Variants in LRRC4C observed in about 807,000 individuals in gnomAD.
LRRC4C encodes leucine-rich repeat-containing protein 4C.
LRRC4C carries 5 observed loss-of-function variants against 33.6 expected under a neutral mutation model. The observed-to-expected ratio is 0.15, with a 90% CI of 0.08 to 0.31. The LOEUF is 0.31. Ranked by LOEUF, LRRC4C falls within the 10% of genes least tolerant of loss-of-function variation. The probability of loss-of-function intolerance (pLI) is 1.00; values close to 1 mark genes in which losing one functional copy is unlikely to be tolerated. For synonymous variants in LRRC4C, 329 were observed against 302.0 expected, an observed-to-expected ratio of 1.09 and a Z score of -0.93; for missense variants, 560 against 796.7, an observed-to-expected ratio of 0.70 and a Z score of 3.58.
chr11:40,572,191 G>T (rs917414648), intron 3 of LRRC4C, among the ~76,000 whole-genome samples: 16 of 152,130 alleles, frequency 1.1e-4, no homozygotes, highest in African/African-American at 3.9e-4. Flanking sequence ...TGTAAAAATG[G>T]AATACACTAT....
At chr11:40,241,263 T>C (rs1865907787) in intron 5 of LRRC4C, among the ~76,000 whole-genome samples, 1 of 152,022 alleles carries the variant, frequency 6.6e-6, no homozygotes, top group African/African-American at 2.4e-5. Context: ...ACACCCGTGG[T>C]GCTAGCTACT....
intron 3 of LRRC4C, among the ~76,000 whole-genome samples, chr11:40,624,267 A>G (rs536184016): frequency 6.6e-6 from 1 of 152,256 alleles, no homozygotes; most frequent in Non-Finnish European, 1.5e-5. Context: ...GATGCAGAAA[A>G]TTATAAAACT....
At chr11:40,771,158 A>G (rs1480412987) in intron 2 of LRRC4C, among the ~76,000 whole-genome samples, 1 of 152,158 alleles carries the variant, frequency 6.6e-6, no homozygotes, top group Admixed American at 6.5e-5. Flanking sequence ...ACATCCAGGC[A>G]TTTCTATACA....
chr11:40,832,972 G>C (rs1952487591), intron 2 of LRRC4C, among the ~76,000 whole-genome samples: 1 of 152,122 alleles, frequency 6.6e-6, no homozygotes, highest in South Asian at 2.1e-4. Context: ...GGTTTCACAA[G>C]ACCATGGCAT....
At chr11:40,119,407 T>G (rs1855665647) in intron 6 of LRRC4C, among the ~76,000 whole-genome samples, 1 of 152,160 alleles carries the variant, frequency 6.6e-6, no homozygotes, top group African/African-American at 2.4e-5. Context: ...ATTCCTTCCT[T>G]GGAGCTGTTG....
chr11:40,389,526 A>G (rs922384991), intron 3 of LRRC4C, among the ~76,000 whole-genome samples: 2 of 152,050 alleles, frequency 1.3e-5, no homozygotes, highest in African/African-American at 2.4e-5. Flanking sequence ...CTCATTTTAA[A>G]TATCTAGAAA....
At chr11:40,576,624 A>G (rs2135597311) in intron 3 of LRRC4C, among the ~76,000 whole-genome samples, 1 of 152,284 alleles carries the variant, frequency 6.6e-6, no homozygotes, top group Middle Eastern at 3.4e-3. Flanking sequence ...ACATCTGTCT[A>G]TTTATAACAA....
At chr11:40,911,057 A>G in intron 2 of LRRC4C, among the ~76,000 whole-genome samples, 1 of 152,176 alleles carries the variant, frequency 6.6e-6, no homozygotes, top group Admixed American at 6.5e-5. Context: ...GGAAGCTCGA[A>G]CTGGGTGGAG....
intron 3 of LRRC4C, among the ~76,000 whole-genome samples, chr11:40,626,155 A>C (rs1473463625): frequency 6.6e-6 from 1 of 152,152 alleles, no homozygotes. Context: ...TTGTGCTTCA[A>C]ACACAGTAGT....
chr11:41,170,428 C>A (rs1424472100), intron 1 of LRRC4C, among the ~76,000 whole-genome samples: 2 of 152,092 alleles, frequency 1.3e-5, no homozygotes, highest in African/African-American at 4.8e-5. Flanking sequence ...TGGAACAGAA[C>A]AGAGCCCTCA....
intron 5 of LRRC4C, among the ~76,000 whole-genome samples, chr11:40,173,281 C>T (rs979181325): frequency 6.6e-6 from 1 of 152,202 alleles, no homozygotes; most frequent in African/African-American, 2.4e-5. Context: ...GCACTTGTCA[C>T]AGCTGCAACC....
At chr11:41,358,266 A>T (rs1051517787) in intron 1 of LRRC4C, among the ~76,000 whole-genome samples, 6 of 152,134 alleles carry the variant, frequency 3.9e-5, no homozygotes, top group African/African-American at 1.4e-4. Flanking sequence ...TGGATCACAA[A>T]CCTCAATGTA....
chr11:41,356,085 A>G lies in LRRC4C; in HGVS notation c.-496+103346T>C, dbSNP rs1251623676. Reference sequence around the variant, plus strand: ...TTTCTGAAAATATAAACAGAAAATTAATAGCTCCCAACAGTATGTGATATA... The same window carrying G: ...TTTCTGAAAATATAAACAGAAAATTGATAGCTCCCAACAGTATGTGATATA... On this transcript the variant is annotated intron_variant, in intron 1 of 6. Coordinates refer to ENST00000528697, the MANE Select transcript of LRRC4C (RefSeq NM_001258419.2). Among the ~76,000 whole-genome samples, 3 of 152,158 alleles carry G rather than the reference A, an allele frequency of 2.0e-5. No homozygotes were observed. In the East Asian group the frequency reaches 5.8e-4, roughly 29 times the overall value.
At chr11:40,202,594 C>T (rs1862846279) in intron 5 of LRRC4C, among the ~76,000 whole-genome samples, 1 of 152,100 alleles carries the variant, frequency 6.6e-6, no homozygotes, top group African/African-American at 2.4e-5. Flanking sequence ...GACTTAATTT[C>T]CCGAATAGGG....
chr11:40,216,225 T>A (rs924166741), intron 5 of LRRC4C, among the ~76,000 whole-genome samples: 1 of 152,182 alleles, frequency 6.6e-6, no homozygotes, highest in East Asian at 1.9e-4. Flanking sequence ...AGTTTAAAAA[T>A]GTAGTCTTCA....
intron 2 of LRRC4C, among the ~76,000 whole-genome samples, chr11:40,885,459 G>A (rs1955410078): frequency 6.6e-6 from 1 of 151,948 alleles, no homozygotes; most frequent in South Asian, 2.1e-4. Context: ...AAAGGTCAAG[G>A]ACCCTGTGGC....
intron 1 of LRRC4C, among the ~76,000 whole-genome samples, chr11:41,116,933 C>T (rs1942162496): frequency 1.3e-5 from 2 of 152,156 alleles, no homozygotes; most frequent in Non-Finnish European, 2.9e-5. Flanking sequence ...AGGCCATGCC[C>T]TTTGCAATGT....
At chr11:41,127,994 T>C (rs1942830105) in intron 1 of LRRC4C, among the ~76,000 whole-genome samples, 1 of 152,132 alleles carries the variant, frequency 6.6e-6, no homozygotes, top group African/African-American at 2.4e-5. Context: ...GCCCTGAATC[T>C]CTTACCCTTC....
chr11:41,211,575 C>T (rs544772388), intron 1 of LRRC4C, among the ~76,000 whole-genome samples: 64 of 152,072 alleles, frequency 4.2e-4, no homozygotes, highest in African/African-American at 1.5e-3. Context: ...TGAGAACATG[C>T]AGTGTTTGGT....
Sources: gnomAD v4.1 joint callset for allele counts (sites outside exome capture counted in the v4.1 genomes callset) on GRCh38, gnomAD v4.1.1 for gene constraint, MANE v1.5 for transcripts, NCBI Gene and HGNC (gene_info 2026-07-23, HGNC 2026-07-21) for gene names.